The following GRM7 variants were observed in gnomAD, a reference collection of about 807,000 sequenced individuals.
GRM7 encodes metabotropic glutamate receptor 7.
Under a neutral mutation model 84.5 loss-of-function variants are expected in GRM7, and 35 were observed. That is an observed-to-expected ratio of 0.41 (90% confidence interval 0.32 to 0.55). The LOEUF (loss-of-function observed/expected upper bound fraction) is 0.55. GRM7 is among the 20% of genes least tolerant of loss of function. The pLI, the probability that GRM7 is intolerant of heterozygous loss-of-function variation, is 0.19. For synonymous variants in GRM7, 487 were observed against 455.1 expected, an observed-to-expected ratio of 1.07 and a Z score of -0.89; for missense variants, 1,003 against 1,194.6, an observed-to-expected ratio of 0.84 and a Z score of 2.36.
rs114836328 is a variant in GRM7 at position 6,936,588 on chromosome 3, T to C, written c.519+74681T>C. On this transcript the variant is annotated intron_variant, in intron 1 of 9. Coordinates refer to ENST00000357716, the MANE Select transcript of GRM7 (RefSeq NM_000844.4). ...CTGGATGTACTTAAAAATTCTTTTT[T>C]ATTAAATTGTTTATGCTGGAGTTGT... is the stretch of plus-strand genomic sequence containing the variant. Among the ~76,000 whole-genome samples, 238 of 152,320 alleles carry C rather than the reference T, an allele frequency of 1.6e-3. 1 individual carries two copies. The highest frequency in any genetic ancestry group is 5.1e-3 in the African/African-American group (212 of 41,578).
At chr3:7,397,741 G>A (rs1294361347) in intron 4 of GRM7, among the ~76,000 whole-genome samples, 1 of 151,988 alleles carries the variant, frequency 6.6e-6, no homozygotes, top group Admixed American at 6.6e-5. Context: ...TCTCACTTAA[G>A]GGAGATTTTC....
In GRM7 at chr3:6,894,378, A is replaced by G. The variant is rs1049702473; in HGVS notation, c.519+32471A>G. Among the ~76,000 whole-genome samples the G allele has an allele frequency of 2.0e-5, 3 of 152,296 alleles. No individual in the cohort carries two copies. In the East Asian group the frequency reaches 5.8e-4, roughly 29 times the overall value. On this transcript the variant is annotated intron_variant, in intron 1 of 9. Transcript: ENST00000357716. ...TTATCAAATGTACTGCAATAATGAA[A>G]GCAAATCCCACTTCTAGCTAATGAA...
At position 6,889,109 on chromosome 3, in the gene GRM7, T is replaced by G. The variant is rs556788857; in HGVS notation, c.519+27202T>G. 5.1e-3 allele frequency among the ~76,000 whole-genome samples: 775 copies of G among 152,354 alleles called. 16 individuals are homozygous for G. The highest frequency in any genetic ancestry group is 0.042 in the Admixed American group (650 of 15,298). On this transcript the variant is annotated intron_variant, in intron 1 of 9. Transcript: ENST00000357716. ...ATCCTGAGACTTTGCTGAAGTTGCTTGTCAGCTTAAGGAGATTTTGGGCTG... is the reference window on the plus strand; with the variant it reads ...ATCCTGAGACTTTGCTGAAGTTGCTGGTCAGCTTAAGGAGATTTTGGGCTG...
chr3:7,002,350 T>A (rs1337188883), intron 1 of GRM7, among the ~76,000 whole-genome samples: 1 of 152,218 alleles, frequency 6.6e-6, no homozygotes, highest in African/African-American at 2.4e-5. Context: ...GCTTCTCTAC[T>A]AGAACTATGA....
At chr3:6,895,710 T>A (rs1351865359) in intron 1 of GRM7, among the ~76,000 whole-genome samples, 1 of 152,154 alleles carries the variant, frequency 6.6e-6, no homozygotes, top group Non-Finnish European at 1.5e-5. Flanking sequence ...TTATATTAGG[T>A]TAAGCAAAGT....
intron 1 of GRM7, among the ~76,000 whole-genome samples, chr3:6,894,431 G>A (rs1451560022): frequency 1.3e-5 from 2 of 152,072 alleles, no homozygotes; most frequent in Non-Finnish European, 2.9e-5. Context: ...ATATTATATT[G>A]TGGCAGAAAA....
At chr3:7,121,431 T>G (rs1471138085) in intron 1 of GRM7, among the ~76,000 whole-genome samples, 1 of 152,192 alleles carries the variant, frequency 6.6e-6, no homozygotes, top group Admixed American at 6.6e-5. Context: ...ACATGCCACA[T>G]GAATTTGTTA....
At chr3:7,684,062 G>A (rs1313189404) in intron 9 of GRM7, among the ~76,000 whole-genome samples, 2 of 152,090 alleles carry the variant, frequency 1.3e-5, no homozygotes, top group Non-Finnish European at 2.9e-5. Flanking sequence ...TGAAAAACCA[G>A]TCCGCAGCAA....
intron 1 of GRM7, among the ~76,000 whole-genome samples, chr3:7,065,765 G>A (rs190857213): frequency 1.0e-3 from 154 of 151,800 alleles, no homozygotes; most frequent in Non-Finnish European, 1.7e-3. Context: ...CATTGAATTT[G>A]TAGATCACTT....
chr3:7,293,559 G>C (rs1016601438), intron 2 of GRM7, among the ~76,000 whole-genome samples: 1 of 152,084 alleles, frequency 6.6e-6, no homozygotes, highest in African/African-American at 2.4e-5. Context: ...CTACTTGTTC[G>C]CTCCCCACAG....
chr3:7,131,767 G>A (rs1454389235), intron 1 of GRM7, among the ~76,000 whole-genome samples: 1 of 152,134 alleles, frequency 6.6e-6, no homozygotes, highest in Admixed American at 6.5e-5. Context: ...TTACAGGCGT[G>A]AGCCACCGCA....
At chr3:6,867,700 C>G (rs1694983146) in intron 1 of GRM7, among the ~76,000 whole-genome samples, 1 of 152,108 alleles carries the variant, frequency 6.6e-6, no homozygotes, top group Admixed American at 6.5e-5. Flanking sequence ...TATATGATCT[C>G]TATGTAAAAT....
chr3:7,129,395 T>A (rs1012083834), intron 1 of GRM7, among the ~76,000 whole-genome samples: 3 of 152,208 alleles, frequency 2.0e-5, no homozygotes, highest in African/African-American at 7.2e-5. Context: ...GTCCATTCCT[T>A]CTATATTCCT....
intron 1 of GRM7, among the ~76,000 whole-genome samples, chr3:7,074,817 A>C (rs942049332): frequency 6.6e-6 from 1 of 152,206 alleles, no homozygotes; most frequent in African/African-American, 2.4e-5. Context: ...TCTACCTAGT[A>C]GGATGGCTTC....
intron 1 of GRM7, among the ~76,000 whole-genome samples, chr3:7,146,037 A>G (rs1030069716): frequency 6.6e-6 from 1 of 152,238 alleles, no homozygotes; most frequent in African/African-American, 2.4e-5. Flanking sequence ...TCCACCCAGT[A>G]TTCACAAGCT....
At chr3:7,216,072 T>C (rs1245512529) in intron 2 of GRM7, among the ~76,000 whole-genome samples, 1 of 152,242 alleles carries the variant, frequency 6.6e-6, no homozygotes, top group East Asian at 1.9e-4. Flanking sequence ...CTTTTAAAAA[T>C]AATAAAGTGA....
At chr3:7,020,286 G>A (rs1403387236) in intron 1 of GRM7, among the ~76,000 whole-genome samples, 1 of 152,194 alleles carries the variant, frequency 6.6e-6, no homozygotes, top group Non-Finnish European at 1.5e-5. Context: ...TTCCAACTAT[G>A]TGACATTCTG....
At chr3:7,443,922 C>T (rs963682159) in intron 5 of GRM7, among the ~76,000 whole-genome samples, 1 of 152,048 alleles carries the variant, frequency 6.6e-6, no homozygotes, top group Non-Finnish European at 1.5e-5. Flanking sequence ...TGCCTACATA[C>T]GTATGCAATG....
chr3:7,296,980 CTATTA>C (rs1388344638), intron 2 of GRM7, among the ~76,000 whole-genome samples: 2 of 151,882 alleles, frequency 1.3e-5, no homozygotes, highest in Non-Finnish European at 2.9e-5. Flanking sequence ...TTGTTTTTCT[CTATTA>C]TATTTGTTTT....
Sources: allele counts gnomAD v4.1 joint callset (sites outside exome capture counted in the v4.1 genomes callset), GRCh38; gene constraint gnomAD v4.1.1; transcripts MANE v1.5; gene names NCBI Gene and HGNC (gene_info 2026-07-23, HGNC 2026-07-21).